The following PCDHA10 variants were observed in gnomAD, a reference collection of about 807,000 sequenced individuals.
The protein encoded by PCDHA10 is protocadherin alpha-10.
PCDHA10 carries 45 observed loss-of-function variants against 61.2 expected under a neutral mutation model. The observed-to-expected ratio is 0.74, with a 90% CI of 0.58 to 0.94. The LOEUF (loss-of-function observed/expected upper bound fraction) is 0.94, where lower values mean the gene tolerates loss of function less well. PCDHA10 is among the 40% of genes least tolerant of loss of function. The probability of loss-of-function intolerance (pLI) is 0.00; values close to 1 mark genes in which losing one functional copy is unlikely to be tolerated. For synonymous variants in PCDHA10, 602 were observed against 548.8 expected (o/e 1.10, Z -1.35); for missense variants, 1,278 against 1,236.2 (o/e 1.03, Z -0.51).
chr5:140,982,666 T>G (rs2096995489), intron 3 of PCDHA10, 103 bp downstream of exon 3: 4 of 1,467,448 alleles, frequency 2.7e-6, no homozygotes. Context: ...TTCTTTTATA[T>G]TTTTGTTATT....
chr5:140,879,100 T>C (rs2057854721), intron 1 of PCDHA10, among the ~76,000 whole-genome samples: 1 of 152,190 alleles, frequency 6.6e-6, no homozygotes, highest in African/African-American at 2.4e-5. Context: ...CTGCACAGTA[T>C]ATGGTGTAAT....
At chr5:140,867,109 A>G (rs2049756406) in intron 1 of PCDHA10, 3 of 152,146 alleles carry the variant, frequency 2.0e-5, no homozygotes, top group South Asian at 2.1e-4. Context: ...CTAAATTAAC[A>G]TATTGTTTTA....
chr5:140,969,128 A>T (rs140518271), intron 1 of PCDHA10: 11 of 1,614,040 alleles, frequency 6.8e-6, no homozygotes, highest in Non-Finnish European at 9.3e-6. Context: ...TGGCTCCCTC[A>T]CCAAGACCTA....
rs1554148087 is a variant in PCDHA10, at chr5:140,856,003, T to G, written c.-46T>G. On this transcript the variant is annotated 5_prime_UTR_variant, in exon 1 of 4. Transcript: ENST00000307360. ...CAGAAAATGTCAGATCGTATGTGCG[T>G]TCTAGACCGCTGATTCGTCGATTTG... is the stretch of plus-strand genomic sequence containing the variant. 2.0e-6 allele frequency: 3 copies of G among 1,536,896 alleles called. No homozygotes were observed. Among genetic ancestry groups the G allele is most frequent in the Non-Finnish European group, 2.6e-6 (3 of 1,134,712 alleles).
chr5:140,890,646 C>A (rs1332050034), intron 1 of PCDHA10, among the ~76,000 whole-genome samples: 4 of 152,082 alleles, frequency 2.6e-5, no homozygotes, highest in African/African-American at 9.7e-5. Flanking sequence ...CTTGATATAT[C>A]AAAATCAAAA....
chr5:140,885,160 CTTTT>C (rs370486132), intron 1 of PCDHA10, among the ~76,000 whole-genome samples: 314 of 152,080 alleles, frequency 2.1e-3, no homozygotes, highest in African/African-American at 7.4e-3. Context: ...ATTGTCTCTA[CTTTT>C]TTGTCCTCTA....
At chr5:140,875,265 T>G in intron 1 of PCDHA10, 1 of 1,201,060 alleles carries the variant, frequency 8.3e-7, no homozygotes, top group Non-Finnish European at 1.1e-6. Context: ...GATGTCGCTC[T>G]ACACTCAGAA....
At chr5:140,895,273 A>T (rs2064941325) in intron 1 of PCDHA10, among the ~76,000 whole-genome samples, 2 of 151,970 alleles carry the variant, frequency 1.3e-5, no homozygotes, top group South Asian at 4.1e-4. Context: ...TTACTCAGGG[A>T]TAATTGAATT....
chr5:140,947,580 A>G (rs1031254382), intron 1 of PCDHA10, among the ~76,000 whole-genome samples: 2 of 151,664 alleles, frequency 1.3e-5, no homozygotes, highest in Non-Finnish European at 3.0e-5. Context: ...TGTTTTTAAC[A>G]TTTAGATCAA....
intron 1 of PCDHA10, chr5:140,871,303 G>T: frequency 6.2e-7 from 1 of 1,613,972 alleles, no homozygotes; most frequent in Non-Finnish European, 8.5e-7. Flanking sequence ...GTGCGCGCCG[G>T]GGAAGCCCAC....
At chr5:140,901,502 T>G (rs782679945) in intron 1 of PCDHA10, among the ~76,000 whole-genome samples, 1 of 152,182 alleles carries the variant, frequency 6.6e-6, no homozygotes, top group Non-Finnish European at 1.5e-5. Context: ...CGAAAATGAG[T>G]TCATTATAGA....
At position 140,858,080 on chromosome 5, in the gene PCDHA10, T is replaced by C; in HGVS notation, c.2032T>C (p.Ser678Pro). ...LVEGSQAPKA[S>P]SRASVGVAPE... ...GGAGGGCAGCCAGGCACCCAAGGCCTCGTCGCGGGCTTCAGTGGGCGTGGC... is the reference window on the plus strand; with the variant it reads ...GGAGGGCAGCCAGGCACCCAAGGCCCCGTCGCGGGCTTCAGTGGGCGTGGC... The change falls in exon 1 of 4, where the codon TCG becomes CCG. Residue 678 changes from serine (S) to proline (P), a missense_variant. Transcript: ENST00000307360. 6.3e-7 allele frequency: 1 copy of C among 1,597,738 alleles called. No homozygotes were observed. The highest frequency in any genetic ancestry group is 8.6e-7 in the Non-Finnish European group (1 of 1,167,648).
intron 1 of PCDHA10, among the ~76,000 whole-genome samples, chr5:140,913,380 T>C (rs1436602497): frequency 6.6e-6 from 1 of 152,226 alleles, no homozygotes; most frequent in Non-Finnish European, 1.5e-5. Context: ...ATATAGTGGC[T>C]CATCATAGCC....
At chr5:140,928,639 G>A in intron 1 of PCDHA10, 1 of 1,614,218 alleles carries the variant, frequency 6.2e-7, no homozygotes, top group Non-Finnish European at 8.5e-7. Context: ...GGTCACAAAA[G>A]TGGTAGCAGA....
chr5:140,927,402 C>G, intron 1 of PCDHA10: 1 of 1,614,128 alleles, frequency 6.2e-7, no homozygotes, highest in Non-Finnish European at 8.5e-7. Context: ...AGCACTTTCG[C>G]CTGGACATGG....
In PCDHA10 at chr5:140,994,514, G is replaced by A. The variant is rs186617066; in HGVS notation, c.2536+11951G>A. On this transcript the variant is annotated intron_variant, in intron 3 of 3. Transcript: ENST00000307360. Reference sequence around the variant, plus strand: ...ACCCAGGAGTTTGAGAACAGCCTGGGCAACATGGCAAAACCCCATCTCTAC... The same window carrying A: ...ACCCAGGAGTTTGAGAACAGCCTGGACAACATGGCAAAACCCCATCTCTAC... Among the ~76,000 whole-genome samples, 76 of 150,406 alleles carry A rather than the reference G, an allele frequency of 5.1e-4. 1 individual carries two copies. The highest frequency in any genetic ancestry group is 8.8e-5 in the Non-Finnish European group (6 of 67,822).
chr5:140,921,486 G>A (rs782660925), intron 1 of PCDHA10, among the ~76,000 whole-genome samples: 1 of 152,128 alleles, frequency 6.6e-6, no homozygotes, highest in African/African-American at 2.4e-5. Flanking sequence ...CTCTACCTGA[G>A]ATTAGTTTAT....
chr5:140,888,811 T>C (rs187578319), intron 1 of PCDHA10, among the ~76,000 whole-genome samples: 124 of 152,270 alleles, frequency 8.1e-4, no homozygotes, highest in African/African-American at 1.8e-3. Context: ...CAGTGATCTG[T>C]GATCTGTGAT....
chr5:140,870,549 C>G, intron 1 of PCDHA10: 1 of 1,614,064 alleles, frequency 6.2e-7, no homozygotes, highest in Middle Eastern at 1.7e-4. Context: ...GGGACGCGGA[C>G]GCGCAGGAGA....
Sources: gnomAD v4.1 joint callset for allele counts (sites outside exome capture counted in the v4.1 genomes callset) on GRCh38, gnomAD v4.1.1 for gene constraint, MANE v1.5 for transcripts, NCBI Gene and HGNC (gene_info 2026-07-23, HGNC 2026-07-21) for gene names.